Variants in WASHC2C observed in about 807,000 individuals in gnomAD.
WASHC2C encodes WASH complex subunit 2C.
WASHC2C carries 73 observed loss-of-function variants against 142.2 expected under a neutral mutation model. The ratio of observed to expected loss-of-function variants is 0.51; its 90% CI spans 0.43 to 0.62. The LOEUF is 0.62. Among genes scored for constraint, WASHC2C ranks in the 20% least tolerant of loss-of-function variants. WASHC2C has a pLI of 0.00. For missense variants in WASHC2C, 969 were observed against 1,531.7 expected, an observed-to-expected ratio of 0.63 and a Z score of 6.13; for synonymous variants, 337 against 565.5, an observed-to-expected ratio of 0.60 and a Z score of 5.73.
chr10:45,784,567 C>T lies in WASHC2C; in HGVS notation c.2481C>T (p.Gly827=). ...IQAPQKEVGK[G]CDPDAHPKST... ...ATGACCTTCCCTCCTGTTCCCAGGGCTGCGATCCTGATGCCCACCCCAAGA... is the reference window on the plus strand; with the variant it reads ...ATGACCTTCCCTCCTGTTCCCAGGGTTGCGATCCTGATGCCCACCCCAAGA... Residue 827 remains glycine (G), a splice_region_variant and synonymous_variant, in exon 24 of 31, where the codon GGC becomes GGT. Coordinates refer to ENST00000623400, the MANE Select transcript of WASHC2C (RefSeq NM_001330074.2). 2 of 1,611,424 alleles carry T rather than the reference C, an allele frequency of 1.2e-6. No homozygotes were observed. The highest frequency in any genetic ancestry group is 1.7e-6 in the Non-Finnish European group (2 of 1,179,770).
At chr10:45,790,895 T>C (rs1324595099) in intron 30 of WASHC2C, among the ~76,000 whole-genome samples, 1 of 152,042 alleles carries the variant, frequency 6.6e-6, no homozygotes, top group Non-Finnish European at 1.5e-5. Context: ...GCCTTGGGTG[T>C]GATGTGGTTG....
intron 23 of WASHC2C, among the ~76,000 whole-genome samples, chr10:45,779,605 G>A (rs1157646025): frequency 2.0e-5 from 3 of 152,080 alleles, no homozygotes; most frequent in African/African-American, 7.2e-5. Context: ...TAACTGCCTA[G>A]CTCTGCCATT....
chr10:45,779,983 C>CAAAAAA (rs1212129330), intron 23 of WASHC2C, among the ~76,000 whole-genome samples: 1 of 69,002 alleles, frequency 1.4e-5, no homozygotes, highest in African/African-American at 5.1e-5. Flanking sequence ...GACTCCATCT[C>CAAAAAA]AAAAAAAAAA....
chr10:45,747,532 G>A (rs2052993607), intron 8 of WASHC2C, among the ~76,000 whole-genome samples: 1 of 152,156 alleles, frequency 6.6e-6, no homozygotes, highest in South Asian at 2.1e-4. Context: ...GTCTCTAAAT[G>A]TATAAGGGAA....
chr10:45,761,339 A>T (rs1156912185), intron 17 of WASHC2C, among the ~76,000 whole-genome samples: 8 of 152,116 alleles, frequency 5.3e-5, no homozygotes, highest in Non-Finnish European at 1.0e-4. Flanking sequence ...TCTGTGTTCC[A>T]GCCTTGGAAG....
At chr10:45,769,188 G>A (rs570373357) in intron 19 of WASHC2C, among the ~76,000 whole-genome samples, 42 of 151,938 alleles carry the variant, frequency 2.8e-4, no homozygotes, top group African/African-American at 8.0e-4. Flanking sequence ...CACGATCTCC[G>A]TTCACTGCAA....
chr10:45,777,307 T>G lies in WASHC2C; in HGVS notation c.2177T>G (p.Leu726Arg). 1 of 1,603,040 alleles carries G rather than the reference T, an allele frequency of 6.2e-7. No individual in the cohort carries two copies. Among genetic ancestry groups the G allele is most frequent in the South Asian group, 1.1e-5 (1 of 90,746 alleles). Residue 726 changes from leucine (L) to arginine (R), a missense_variant, in exon 22 of 31, where the codon CTG becomes CGG. By Grantham distance (102) the Leu-to-Arg change is moderately radical. Transcript: ENST00000623400. ...KETVSEAPPL[L>R]FSDEEEKEAQ... ...ACTGTCTCTGAGGCACCACCTTTGC[T>G]GTTCAGCGATGAAGAAGAGAAGGAG...
At chr10:45,728,740 A>G in intron 2 of WASHC2C, 122 bp from the exon 3 acceptor site, 1 of 1,403,970 alleles carries the variant, frequency 7.1e-7, no homozygotes, top group South Asian at 1.6e-5. Flanking sequence ...CAAAAAAAAA[A>G]AAAAGCATTT....
chr10:45,743,282 G>A (rs1490430359), intron 5 of WASHC2C, 108 bp from the exon 6 acceptor site: 87 of 1,569,022 alleles, frequency 5.5e-5, no homozygotes, highest in African/African-American at 5.1e-4. Context: ...CTCCACCTTC[G>A]TTATGTAGCT....
In WASHC2C at chr10:45,727,502, G is replaced by A. The variant is rs1486943613; in HGVS notation, c.89G>A (p.Arg30Lys). 5.0e-6 allele frequency: 8 copies of A among 1,603,386 alleles called. No homozygotes were observed. Among genetic ancestry groups the A allele is most frequent in the Non-Finnish European group, 4.2e-6 (5 of 1,176,582 alleles). ...CCGTGGTCGGTGGAGGAGATCCGCAGGAGCAGCCAGAGCTGGTCGCTGGCG... is the reference window on the plus strand; with the variant it reads ...CCGTGGTCGGTGGAGGAGATCCGCAAGAGCAGCCAGAGCTGGTCGCTGGCG... ...ERPWSVEEIRRSSQSWSLAAD... is the reference protein window; with the variant it reads ...ERPWSVEEIRKSSQSWSLAAD... The change falls in exon 2 of 31, where the codon AGG (arginine) becomes AAG (lysine). Residue 30 changes from arginine (R) to lysine (K), a missense_variant. Transcript: ENST00000623400.
At chr10:45,751,650 C>G (rs1589704602) in intron 11 of WASHC2C, 97 bp downstream of exon 11, 3 of 1,114,406 alleles carry the variant, frequency 2.7e-6, no homozygotes, top group Non-Finnish European at 3.9e-6. Context: ...TGCTGTTTTC[C>G]CTCTGACAAA....
chr10:45,783,180 C>CT (rs2057654950), intron 23 of WASHC2C, among the ~76,000 whole-genome samples: 1 of 150,540 alleles, frequency 6.6e-6, no homozygotes, highest in South Asian at 2.1e-4. Flanking sequence ...AAGAAATAGT[C>CT]TATGTTTATT....
chr10:45,757,883 C>T (rs552887788), intron 16 of WASHC2C, among the ~76,000 whole-genome samples: 222 of 152,342 alleles, frequency 1.5e-3, no homozygotes, highest in African/African-American at 5.1e-3. Context: ...CTGTGCGGCC[C>T]GGCTTCTAAC....
chr10:45,785,398 T>C (rs1374852516), intron 25 of WASHC2C, 111 bp from the exon 26 acceptor site: 3 of 1,342,252 alleles, frequency 2.2e-6, no homozygotes, highest in Non-Finnish European at 3.1e-6. Flanking sequence ...CAGCCCTCAT[T>C]TGAGAAAGTA....
At position 45,755,098 on chromosome 10, in the gene WASHC2C, G is replaced by C. The variant is rs1342281715; in HGVS notation, c.1403G>C (p.Ser468Thr). The C allele has an allele frequency of 6.2e-7, 1 of 1,609,198 alleles. No individual in the cohort carries two copies. Among genetic ancestry groups the C allele is most frequent in the South Asian group, 1.1e-5 (1 of 90,758 alleles). ...DDDDFFSAPH[S>T]KPSKTRKVQS... is the part of the protein sequence containing the mutation. Reference sequence around the variant, plus strand: ...GACGACTTTTTCTCGGCACCCCACAGCAAACCTTCTAAAACACGTATGTGT... The same window carrying C: ...GACGACTTTTTCTCGGCACCCCACACCAAACCTTCTAAAACACGTATGTGT... Residue 468 changes from serine to threonine, a missense_variant, in exon 15 of 31, where the codon AGC becomes ACC. Transcript: ENST00000623400.
At chr10:45,727,638 C>G (rs1369366513) in intron 2 of WASHC2C, 99 bp downstream of exon 2, 6 of 1,348,998 alleles carry the variant, frequency 4.4e-6, no homozygotes, top group East Asian at 2.6e-5. Flanking sequence ...TGGCCCGTCC[C>G]GTTGCCTGCC....
intron 3 of WASHC2C, among the ~76,000 whole-genome samples, chr10:45,735,941 C>G (rs1554864399): frequency 6.6e-6 from 1 of 152,024 alleles, no homozygotes. Context: ...AAATCCTTCT[C>G]TAGGTATATA....
chr10:45,764,572 G>A (rs2055557495), intron 18 of WASHC2C, among the ~76,000 whole-genome samples: 1 of 150,586 alleles, frequency 6.6e-6, no homozygotes, highest in Non-Finnish European at 1.5e-5. Flanking sequence ...GAGCACAGTG[G>A]GGAAGAGAAA....
chr10:45,780,524 T>A (rs1238615300), intron 23 of WASHC2C, among the ~76,000 whole-genome samples: 1 of 151,980 alleles, frequency 6.6e-6, no homozygotes, highest in Non-Finnish European at 1.5e-5. Flanking sequence ...GGTGAGAAAA[T>A]GAAATAAAAG....
Sources: allele counts gnomAD v4.1 joint callset (sites outside exome capture counted in the v4.1 genomes callset), GRCh38; gene constraint gnomAD v4.1.1; transcripts MANE v1.5; gene names NCBI Gene and HGNC (gene_info 2026-07-23, HGNC 2026-07-21).